Variants in SMURF1 observed in about 807,000 individuals in gnomAD.
The protein encoded by SMURF1 is SMAD specific E3 ubiquitin protein ligase 1.
Under a neutral mutation model 98.0 loss-of-function variants are expected in SMURF1, and 44 were observed. The ratio of observed to expected loss-of-function variants is 0.45; its 90% confidence interval spans 0.35 to 0.58. The LOEUF is 0.58. Ranked by LOEUF, SMURF1 falls within the 20% of genes least tolerant of loss-of-function variation. The probability of loss-of-function intolerance (pLI) is 0.00; values close to 1 mark genes in which losing one functional copy is unlikely to be tolerated. For synonymous variants in SMURF1, 396 were observed against 374.9 expected (o/e 1.06, Z -0.65); for missense variants, 687 against 938.4 (o/e 0.73, Z 3.50).
chr7:99,036,953 A>T lies in SMURF1; in HGVS notation c.1809+114T>A, dbSNP rs1795168612. On this transcript the variant is annotated intron_variant, in intron 15 of 17. Transcript: ENST00000361368. ...CTGGCTCTAGTCTGGGAACCCCAGC[A>T]GCTCCTAGGCTTACTAGAAAGCGGC... 3 of 1,506,548 alleles carry T rather than the reference A, an allele frequency of 2.0e-6. No homozygotes were observed. The East Asian group carries it at 6.8e-5, about 34-fold the overall frequency. 93.3% of individuals were successfully genotyped at this position (1,506,548 alleles called of 1,614,324 possible).
At chr7:99,032,999 C>A (rs766251038) in intron 17 of SMURF1, 38 bp downstream of exon 17, 6 of 1,589,256 alleles carry the variant, frequency 3.8e-6, no homozygotes, top group Non-Finnish European at 5.2e-6. Context: ...TCCTCTGGGG[C>A]TCCCAGGACG....
intron 1 of SMURF1, among the ~76,000 whole-genome samples, chr7:99,097,649 T>C (rs1796985489): frequency 6.6e-6 from 1 of 152,248 alleles, no homozygotes; most frequent in Non-Finnish European, 1.5e-5. Context: ...TAAACTTCTT[T>C]TATTTATAAG....
intron 1 of SMURF1, among the ~76,000 whole-genome samples, chr7:99,119,608 G>A (rs867210165): frequency 6.6e-6 from 1 of 152,184 alleles, no homozygotes; most frequent in African/African-American, 2.4e-5. Flanking sequence ...CTGGAAGGCT[G>A]TGTATGTGAC....
intron 1 of SMURF1, among the ~76,000 whole-genome samples, chr7:99,077,282 C>G (rs1796483202): frequency 6.6e-6 from 1 of 151,362 alleles, no homozygotes; most frequent in Non-Finnish European, 1.5e-5. Flanking sequence ...AAGGATTAAA[C>G]TGACAGTAGC....
At chr7:99,035,065 A>G (rs977866462) in intron 16 of SMURF1, among the ~76,000 whole-genome samples, 2 of 152,210 alleles carry the variant, frequency 1.3e-5, no homozygotes, top group African/African-American at 2.4e-5. Flanking sequence ...CGGCGACCTC[A>G]GTGGCTTAAA....
intron 13 of SMURF1, 66 bp from the exon 14 acceptor site, chr7:99,038,591 A>T: frequency 6.4e-7 from 1 of 1,568,464 alleles, no homozygotes; most frequent in South Asian, 1.2e-5. Flanking sequence ...TTGGGTAGAC[A>T]GAAAACATTT....
chr7:99,050,788 G>T, intron 8 of SMURF1: 1 of 694,616 alleles, frequency 1.4e-6, no homozygotes, highest in Non-Finnish European at 2.4e-6. Flanking sequence ...AACAAATCAT[G>T]AATAAAAAGG....
intron 3 of SMURF1, 46 bp from the exon 4 acceptor site, chr7:99,057,597 T>G: frequency 7.0e-7 from 1 of 1,424,852 alleles, no homozygotes; most frequent in East Asian, 2.5e-5. Context: ...TTTGGTTTTT[T>G]TTGTTTTGTT....
intron 13 of SMURF1, among the ~76,000 whole-genome samples, chr7:99,039,027 A>G (rs1278363768): frequency 6.6e-6 from 1 of 151,724 alleles, no homozygotes; most frequent in Non-Finnish European, 1.5e-5. Context: ...CCCCATCTCT[A>G]CTAAAAACAC....
At chr7:99,114,449 A>G (rs1797395885) in intron 1 of SMURF1, among the ~76,000 whole-genome samples, 1 of 152,170 alleles carries the variant, frequency 6.6e-6, no homozygotes, top group Admixed American at 6.5e-5. Context: ...GAGTCAAACC[A>G]TCAAGAAGAT....
At chr7:99,137,125 G>A (rs775749502) in intron 1 of SMURF1, among the ~76,000 whole-genome samples, 55 of 151,918 alleles carry the variant, frequency 3.6e-4, no homozygotes, top group Admixed American at 2.2e-3. Flanking sequence ...TTTATTAACC[G>A]GTTCTATAGA....
At chr7:99,086,688 A>G (rs1349747619) in intron 1 of SMURF1, among the ~76,000 whole-genome samples, 1 of 152,248 alleles carries the variant, frequency 6.6e-6, no homozygotes, top group Non-Finnish European at 1.5e-5. Context: ...ATGAATGGAT[A>G]AACAAACCGC....
chr7:99,072,991 C>G (rs998771293), intron 1 of SMURF1, among the ~76,000 whole-genome samples: 2 of 152,122 alleles, frequency 1.3e-5, no homozygotes, highest in African/African-American at 2.4e-5. Flanking sequence ...TCGAGGTGAC[C>G]TGGCAAAGTT....
rs550195057 is a variant in SMURF1 at position 99,121,225 on chromosome 7, C to CAAAAAAAAA, written c.55+22492_55+22500dup. ...AATTCTGAGATGGTAAGAGTCAAAGCAAAAAAAAAAAAAAAAAAAAAATAG... is the reference window on the plus strand; with the variant it reads ...AATTCTGAGATGGTAAGAGTCAAAGCAAAAAAAAAAAAAAAAAAAAAAAAAAAAAAATAG... On this transcript the variant is annotated intron_variant, in intron 1 of 17. Coordinates refer to ENST00000361368, the MANE Select transcript of SMURF1 (RefSeq NM_181349.3). The CAAAAAAAAA allele has an allele frequency of 6.0e-5, 6 of 99,782 alleles. No homozygotes were observed. In the East Asian group the frequency reaches 8.3e-4, roughly 14 times the overall value. The allele number at this position is 99,782 out of a possible 1,614,324, so 6.2% of individuals were successfully genotyped here. A position where few individuals can be genotyped will look rare whatever the true frequency, so the allele number is the denominator to read the frequency against.
In SMURF1 at chr7:99,100,024, G is replaced by A. The variant is rs376968647; in HGVS notation, c.56-38187C>T. Among the ~76,000 whole-genome samples, 23 of 151,442 alleles carry A rather than the reference G, an allele frequency of 1.5e-4. No homozygotes were observed. In the East Asian group the frequency reaches 1.6e-3, roughly 10 times the overall value. On this transcript the variant is annotated intron_variant, in intron 1 of 17. Transcript: ENST00000361368. ...ATTCCAAATATACAGTCAAATCCCC[G>A]GAGAATCCTGGTTCTCACAGGTTTT...
chr7:99,123,578 AG>A (rs1276482091), intron 1 of SMURF1, among the ~76,000 whole-genome samples: 1 of 152,130 alleles, frequency 6.6e-6, no homozygotes, highest in Non-Finnish European at 1.5e-5. Flanking sequence ...GGTTGGTAAG[AG>A]GGGATGGGAA....
intron 1 of SMURF1, among the ~76,000 whole-genome samples, chr7:99,073,040 A>G (rs1333602719): frequency 6.6e-6 from 1 of 152,180 alleles, no homozygotes; most frequent in African/African-American, 2.4e-5. Context: ...CCTCAATGAA[A>G]ACCACAGCAT....
intron 3 of SMURF1, among the ~76,000 whole-genome samples, chr7:99,058,239 C>G (rs961794838): frequency 6.6e-6 from 1 of 152,028 alleles, no homozygotes; most frequent in Non-Finnish European, 1.5e-5. Context: ...AAGGAATTCT[C>G]CTGCCTCAGC....
intron 1 of SMURF1, among the ~76,000 whole-genome samples, chr7:99,092,465 C>T (rs950922961): frequency 1.3e-5 from 2 of 152,306 alleles, no homozygotes; most frequent in East Asian, 1.9e-4. Context: ...AGAGCAACAA[C>T]GACAACAAAA....
Sources: gnomAD v4.1 joint callset for allele counts (sites outside exome capture counted in the v4.1 genomes callset) on GRCh38, gnomAD v4.1.1 for gene constraint, MANE v1.5 for transcripts, NCBI Gene and HGNC (gene_info 2026-07-23, HGNC 2026-07-21) for gene names.